RPA1: variants seen among roughly 807,000 people sequenced by gnomAD.
The protein encoded by RPA1 is replication protein A1.
Under a neutral mutation model 83.0 loss-of-function variants are expected in RPA1, and 49 were observed. The observed-to-expected ratio is 0.59, with a 90% CI of 0.47 to 0.75. The LOEUF is 0.75. Ranked by LOEUF, RPA1 falls within the 30% of genes least tolerant of loss-of-function variation. RPA1 has a pLI of 0.00. For missense variants in RPA1, 693 were observed against 776.1 expected (o/e 0.89, Z 1.27); for synonymous variants, 279 against 281.8 (o/e 0.99, Z 0.10).
chr17:1,857,650 AC>A (rs1912760074), intron 5 of RPA1, among the ~76,000 whole-genome samples: 1 of 101,232 alleles, frequency 9.9e-6, no homozygotes, highest in Non-Finnish European at 2.0e-5. Context: ...TCACCAACCC[AC>A]CCCCCACCCG....
At chr17:1,854,831 T>C (rs1912629230) in intron 5 of RPA1, among the ~76,000 whole-genome samples, 1 of 152,210 alleles carries the variant, frequency 6.6e-6, no homozygotes. Flanking sequence ...AGTACTTCAT[T>C]AGCAAAGCAG....
chr17:1,861,281 C>T (rs77299410), intron 5 of RPA1, among the ~76,000 whole-genome samples: 2,822 of 152,284 alleles, frequency 0.019, 90 homozygotes, highest in African/African-American at 0.063. Context: ...TTCTGCACCT[C>T]GGGTTCTGGC....
chr17:1,838,404 G>A (rs1046398951), intron 1 of RPA1, among the ~76,000 whole-genome samples: 3 of 151,656 alleles, frequency 2.0e-5, no homozygotes, highest in Non-Finnish European at 4.4e-5. Flanking sequence ...AGGAGTTCGA[G>A]ACCAGCCTGA....
intron 16 of RPA1, among the ~76,000 whole-genome samples, chr17:1,895,351 T>A (rs1914369790): frequency 6.6e-6 from 1 of 151,812 alleles, no homozygotes; most frequent in South Asian, 2.1e-4. Context: ...TTTTTTTATT[T>A]TTATTTTTTT....
chr17:1,843,954 C>T lies in RPA1; in HGVS notation c.119C>T (p.Pro40Leu), dbSNP rs757098924. ...IRPITTGNSPPRYRLLMSDGL... is the reference protein window; with the variant it reads ...IRPITTGNSPLRYRLLMSDGL... ...CCCATTACTACGGGGAATAGTCCGCCGCGTTATCGACTGCTCATGAGTGAT... is the reference window on the plus strand; with the variant it reads ...CCCATTACTACGGGGAATAGTCCGCTGCGTTATCGACTGCTCATGAGTGAT... The change falls in exon 3 of 17, where the codon CCG becomes CTG. Residue 40 changes from proline to leucine, a missense_variant. Coordinates refer to ENST00000254719, the MANE Select transcript of RPA1 (RefSeq NM_002945.5). 38 of 1,613,800 alleles carry T rather than the reference C, an allele frequency of 2.4e-5. No individual in the cohort carries two copies. Among genetic ancestry groups the T allele is most frequent in the Non-Finnish European group, 3.2e-5 (38 of 1,179,944 alleles).
chr17:1,891,770 C>A, intron 14 of RPA1, 63 bp from the exon 15 acceptor site: 1 of 1,082,422 alleles, frequency 9.2e-7, no homozygotes, highest in Non-Finnish European at 1.4e-6. Context: ...AACCTCTCCC[C>A]ATCTTCTCAG....
At chr17:1,868,285 T>G (rs1311537421) in intron 5 of RPA1, among the ~76,000 whole-genome samples, 1 of 152,192 alleles carries the variant, frequency 6.6e-6, no homozygotes, top group Non-Finnish European at 1.5e-5. Context: ...TTATAGTGAC[T>G]TCTACCTCAC....
chr17:1,895,891 C>T (rs1016201430), intron 16 of RPA1, among the ~76,000 whole-genome samples: 4 of 151,916 alleles, frequency 2.6e-5, no homozygotes, highest in African/African-American at 9.7e-5. Flanking sequence ...ACCATGTTGG[C>T]CAGGCTGGTC....
At position 1,880,610 on chromosome 17, in the gene RPA1, G is replaced by A; in HGVS notation, c.1160G>A (p.Gly387Asp). 1.2e-6 allele frequency: 2 copies of A among 1,614,144 alleles called. No homozygotes were observed. The highest frequency in any genetic ancestry group is 1.7e-6 in the Non-Finnish European group (2 of 1,180,028). ...AAAGGAGCCCGAGTCTCTGATTTCG[G>A]TGGACGGAGCCTCTCCGTGCTGTCT... ...AIKGARVSDF[G>D]GRSLSVLSSS... The change falls in exon 12 of 17, where the codon GGT becomes GAT. Residue 387 changes from glycine to aspartate, a missense_variant. By Grantham distance (94) the Gly-to-Asp change is moderately conservative (BLOSUM62 -1). Coordinates refer to ENST00000254719, the MANE Select transcript of RPA1 (RefSeq NM_002945.5).
chr17:1,864,366 G>A (rs150911262), intron 5 of RPA1, among the ~76,000 whole-genome samples: 4,328 of 151,892 alleles, frequency 0.028, 100 homozygotes, highest in Non-Finnish European at 0.045. Flanking sequence ...GTGAAACCTC[G>A]TCTCTACTAA....
chr17:1,853,870 C>T (rs1912591644), intron 5 of RPA1, among the ~76,000 whole-genome samples: 1 of 152,172 alleles, frequency 6.6e-6, no homozygotes. Context: ...CCTGTGATAA[C>T]ACTCACTGCA....
At chr17:1,868,023 G>A (rs1272228937) in intron 5 of RPA1, among the ~76,000 whole-genome samples, 1 of 152,108 alleles carries the variant, frequency 6.6e-6, no homozygotes, top group Non-Finnish European at 1.5e-5. Context: ...GTCAAGGCCT[G>A]CAGTGAGCTA....
rs11656253 is a variant in RPA1 at position 1,858,152 on chromosome 17, G to C, written c.361+4963G>C. 1.9e-6 allele frequency: 3 copies of C among 1,613,698 alleles called. No individual in the cohort carries two copies. The African/African-American group carries it at 4.0e-5, about 22-fold the overall frequency. ...TTTCCTAGGTTCCACATCAAGTGTCGGATCCCATTCCAGGTATGATACATG... is the reference window on the plus strand; with the variant it reads ...TTTCCTAGGTTCCACATCAAGTGTCCGATCCCATTCCAGGTATGATACATG... On this transcript the variant is annotated intron_variant, in intron 5 of 16. Coordinates refer to ENST00000254719, the MANE Select transcript of RPA1 (RefSeq NM_002945.5).
intron 5 of RPA1, among the ~76,000 whole-genome samples, chr17:1,870,586 C>T (rs1913340302): frequency 6.6e-6 from 1 of 152,226 alleles, no homozygotes; most frequent in African/African-American, 2.4e-5. Context: ...TTTTCATCAT[C>T]CCAAACCGAA....
At chr17:1,877,465 T>C (rs1913616428) in intron 8 of RPA1, 151 bp downstream of exon 8, 1 of 653,450 alleles carries the variant, frequency 1.5e-6, no homozygotes, top group Non-Finnish European at 2.7e-6. Context: ...GGCTCAGCTC[T>C]GCGGGCCTAT....
At chr17:1,890,116 C>T (rs997061961) in intron 14 of RPA1, among the ~76,000 whole-genome samples, 4 of 151,926 alleles carry the variant, frequency 2.6e-5, no homozygotes, top group African/African-American at 9.7e-5. Context: ...GTGCCTGTAA[C>T]CCCAGCACTT....
chr17:1,855,466 T>C (rs1345614527), intron 5 of RPA1, among the ~76,000 whole-genome samples: 1 of 152,118 alleles, frequency 6.6e-6, no homozygotes, highest in Non-Finnish European at 1.5e-5. Context: ...TGGGATTACA[T>C]TGCGCTCAGC....
At chr17:1,878,952 G>C in intron 8 of RPA1, 41 bp from the exon 9 acceptor site, 5 of 1,609,930 alleles carry the variant, frequency 3.1e-6, no homozygotes, top group Non-Finnish European at 4.3e-6. Context: ...GGTGGCCTGT[G>C]TTCAATCCCG....
At chr17:1,853,579 A>ATCT (rs1174734288) in intron 5 of RPA1, among the ~76,000 whole-genome samples, 2 of 152,208 alleles carry the variant, frequency 1.3e-5, no homozygotes, top group Non-Finnish European at 2.9e-5. Context: ...GCTACTCAGA[A>ATCT]GGCTGAGGCA....
Sources: allele counts gnomAD v4.1 joint callset (sites outside exome capture counted in the v4.1 genomes callset), GRCh38; gene constraint gnomAD v4.1.1; transcripts MANE v1.5; gene names NCBI Gene and HGNC (gene_info 2026-07-23, HGNC 2026-07-21).